The following SFXN5 variants were observed in gnomAD, a reference collection of about 807,000 sequenced individuals.
The protein encoded by SFXN5 is sideroflexin 5, also known as sideroflexin-5.
A neutral mutation model predicts 50.2 loss-of-function variants in SFXN5; 43 were observed. The observed-to-expected ratio is 0.86, with a 90% confidence interval of 0.67 to 1.11. SFXN5 has a LOEUF of 1.11. SFXN5 is among the 50% of genes least tolerant of loss of function. SFXN5 has a pLI of 0.00. For missense variants in SFXN5, 463 were observed against 454.1 expected, an observed-to-expected ratio of 1.02 and a Z score of -0.18; for synonymous variants, 203 against 185.8, an observed-to-expected ratio of 1.09 and a Z score of -0.75.
chr2:73,050,482 G>C (rs1305265052), intron 2 of SFXN5, among the ~76,000 whole-genome samples: 1 of 151,962 alleles, frequency 6.6e-6, no homozygotes, highest in Non-Finnish European at 1.5e-5. Context: ...CTCTGGAGCA[G>C]TGGCCCAAGC....
At chr2:72,947,818 A>ACCCCCCCCCCTCCCC (rs1553504473) in intron 13 of SFXN5, among the ~76,000 whole-genome samples, 3 of 114,476 alleles carry the variant, frequency 2.6e-5, no homozygotes, top group Admixed American at 1.8e-4. Context: ...ACCTTCTCCC[A>ACCCCCCCCCCTCCCC]CCCCACCCCT....
intron 10 of SFXN5, among the ~76,000 whole-genome samples, chr2:72,986,503 C>T (rs1671943885): frequency 6.6e-6 from 1 of 152,136 alleles, no homozygotes; most frequent in African/African-American, 2.4e-5. Flanking sequence ...TCCAGCTCTT[C>T]AGATGGTGCC....
intron 11 of SFXN5, among the ~76,000 whole-genome samples, chr2:72,969,355 G>A (rs185829347): frequency 3.5e-4 from 54 of 152,280 alleles, no homozygotes; most frequent in Non-Finnish European, 6.5e-4. Flanking sequence ...AAGGAGGACC[G>A]AGCTTCTGGA....
chr2:72,966,219 A>G (rs1308481537), intron 12 of SFXN5, among the ~76,000 whole-genome samples: 1 of 152,180 alleles, frequency 6.6e-6, no homozygotes, highest in African/African-American at 2.4e-5. Flanking sequence ...ATCTGTGAGT[A>G]ATAAAGTTGC....
At position 72,992,045 on chromosome 2, in the gene SFXN5, G is replaced by A. The variant is rs112736244; in HGVS notation, c.535-3697C>T. Among the ~76,000 whole-genome samples the A allele has an allele frequency of 3.2e-3, 494 of 152,320 alleles. 6 individuals are homozygous for A. The highest frequency in any genetic ancestry group is 9.5e-3 in the African/African-American group (393 of 41,558). On this transcript the variant is annotated intron_variant, in intron 9 of 13. Coordinates refer to ENST00000272433, the MANE Select transcript of SFXN5 (RefSeq NM_144579.3). The surrounding 1 kb of genome is among the most constrained non-coding windows in gnomAD (Gnocchi z 4.5). ...GAATTTCTTATATGGCCAGCAGACA[G>A]GGCTTCTTGGAAAACCAGGGCTCAG...
chr2:72,966,156 C>T (rs1395907304), intron 12 of SFXN5, among the ~76,000 whole-genome samples: 1 of 152,184 alleles, frequency 6.6e-6, no homozygotes, highest in Non-Finnish European at 1.5e-5. Context: ...CTTTCTCGAG[C>T]CATGGGGCAC....
chr2:73,021,061 A>G (rs908300597), intron 5 of SFXN5, among the ~76,000 whole-genome samples: 1 of 152,134 alleles, frequency 6.6e-6, no homozygotes, highest in African/African-American at 2.4e-5. Context: ...TCTCATACCC[A>G]CTTCTCTCTG....
At chr2:73,057,578 G>A (rs907722624) in intron 2 of SFXN5, among the ~76,000 whole-genome samples, 4 of 152,164 alleles carry the variant, frequency 2.6e-5, no homozygotes, top group African/African-American at 9.7e-5. Context: ...AAGACAGGGA[G>A]GAATTGATTA....
At chr2:72,996,652 G>A (rs1409584060) in intron 9 of SFXN5, 1 of 152,184 alleles carries the variant, frequency 6.6e-6, no homozygotes, top group East Asian at 1.9e-4. Context: ...GGGACTACAG[G>A]TGTGCACCAC....
chr2:73,064,038 C>A (rs1398412531), intron 1 of SFXN5, among the ~76,000 whole-genome samples: 2 of 152,106 alleles, frequency 1.3e-5, no homozygotes, highest in Non-Finnish European at 2.9e-5. Flanking sequence ...AAAGGTGAGT[C>A]AGCTAATTCT....
chr2:73,022,256 T>C (rs1286165207), intron 5 of SFXN5, among the ~76,000 whole-genome samples: 1 of 152,054 alleles, frequency 6.6e-6, no homozygotes, highest in African/African-American at 2.4e-5. Context: ...GAGTGGGTGG[T>C]GGTGGGGGCT....
chr2:73,036,138 C>A (rs949481613), intron 3 of SFXN5, among the ~76,000 whole-genome samples: 2 of 152,202 alleles, frequency 1.3e-5, no homozygotes, highest in African/African-American at 4.8e-5. Context: ...AAGAACCACC[C>A]GGGCCGCTTC....
intron 10 of SFXN5, among the ~76,000 whole-genome samples, chr2:72,980,370 TCA>T (rs1163002872): frequency 2.0e-5 from 3 of 152,166 alleles, no homozygotes; most frequent in Non-Finnish European, 4.4e-5. Flanking sequence ...ACTCTCTCTC[TCA>T]CACTCGAATC....
At chr2:72,962,990 C>T (rs1334693506) in intron 12 of SFXN5, among the ~76,000 whole-genome samples, 6 of 152,306 alleles carry the variant, frequency 3.9e-5, no homozygotes, top group East Asian at 1.9e-4. Context: ...AGCCCATGCC[C>T]GCCTGGACTT....
rs550931021 is a variant in SFXN5, at chr2:72,945,479, C to T, written c.946-380G>A. ...TGGACCTGATGACCACCCAGGGCTG[C>T]TCCACCTCAACTCCTTCCATCCAAA... On this transcript the variant is annotated intron_variant, in intron 13 of 13. Transcript: ENST00000272433. The surrounding 1 kb of genome is among the most constrained non-coding windows in gnomAD (Gnocchi z 5.8). 6.6e-6 allele frequency among the ~76,000 whole-genome samples: 1 copy of T among 152,176 alleles called. No individual in the cohort carries two copies. Among genetic ancestry groups the T allele is most frequent in the Admixed American group, 6.5e-5 (1 of 15,294 alleles).
chr2:73,017,406 T>A (rs778398730), intron 6 of SFXN5, among the ~76,000 whole-genome samples: 12 of 152,032 alleles, frequency 7.9e-5, no homozygotes, highest in Admixed American at 2.0e-4. Context: ...CCAACAGAAA[T>A]CAGTTAAACC....
chr2:72,947,446 G>A (rs1672079455), intron 13 of SFXN5, among the ~76,000 whole-genome samples: 1 of 152,200 alleles, frequency 6.6e-6, no homozygotes, highest in African/African-American at 2.4e-5. Flanking sequence ...GAAGGTCCCC[G>A]CCGGACATTT....
At chr2:73,020,012 T>C (rs1676659873) in intron 6 of SFXN5, 2 of 507,894 alleles carry the variant, frequency 3.9e-6, no homozygotes, top group Non-Finnish European at 6.9e-6. Flanking sequence ...AAGGCAATTT[T>C]CAACTCAACG....
At position 72,961,370 on chromosome 2, in the gene SFXN5, G is replaced by T; in HGVS notation, c.828-122C>A. 1 of 590,308 alleles carries T rather than the reference G, an allele frequency of 1.7e-6. No individual in the cohort carries two copies. Among genetic ancestry groups the T allele is most frequent in the Non-Finnish European group, 2.9e-6 (1 of 350,774 alleles). 36.6% of individuals were successfully genotyped at this position (590,308 alleles called of 1,614,324 possible). ...GAAGCGTGGTTCCGGGGCAGTGCCA[G>T]TGTGCAGCTAAACAGATATAGCAGA... On this transcript the variant is annotated intron_variant, in intron 12 of 13. Coordinates refer to ENST00000272433, the MANE Select transcript of SFXN5 (RefSeq NM_144579.3). This position sits in a 1 kb window ranked among gnomAD's most constrained non-coding sequence, Gnocchi z 4.4.
Sources: allele counts gnomAD v4.1 joint callset (sites outside exome capture counted in the v4.1 genomes callset), GRCh38; gene constraint gnomAD v4.1.1; non-coding constraint Gnocchi (gnomAD v3.1); transcripts MANE v1.5; gene names NCBI Gene and HGNC (gene_info 2026-07-23, HGNC 2026-07-21).